RBMS2: variants seen among roughly 807,000 people sequenced by gnomAD.
The protein encoded by RBMS2 is RNA binding motif single stranded interacting protein 2, also known as RNA-binding motif, single-stranded-interacting protein 2.
A neutral mutation model predicts 58.4 loss-of-function variants in RBMS2; 38 were observed. That is an observed-to-expected ratio of 0.65 (90% CI 0.50 to 0.85). RBMS2 has a LOEUF of 0.85. RBMS2 is among the 40% of genes least tolerant of loss of function. The probability of loss-of-function intolerance (pLI) is 0.00; values close to 1 mark genes in which losing one functional copy is unlikely to be tolerated. For synonymous variants in RBMS2, 151 were observed against 180.7 expected, an observed-to-expected ratio of 0.84 and a Z score of 1.32; for missense variants, 367 against 503.7, an observed-to-expected ratio of 0.73 and a Z score of 2.60.
chr12:56,556,347 C>T (rs1037022791), intron 1 of RBMS2, among the ~76,000 whole-genome samples: 1 of 150,858 alleles, frequency 6.6e-6, no homozygotes, highest in Non-Finnish European at 1.5e-5. Context: ...GTAATCTCCT[C>T]TTATACTAAA....
intron 9 of RBMS2, among the ~76,000 whole-genome samples, chr12:56,583,545 T>C (rs977586197): frequency 6.6e-6 from 1 of 152,088 alleles, no homozygotes; most frequent in Non-Finnish European, 1.5e-5. Flanking sequence ...TCCCAGCTAC[T>C]TGGGAGGCTG....
chr12:56,527,439 C>G lies in RBMS2; in HGVS notation c.66+5350C>G, dbSNP rs988873269. Among the ~76,000 whole-genome samples, 7 of 152,144 alleles carry G rather than the reference C, an allele frequency of 4.6e-5. No homozygotes were observed. In the South Asian group the frequency reaches 1.2e-3, roughly 27 times the overall value. The stretch of plus-strand genomic sequence containing the variant: ...CCAGACTGGCCAACAGGATGAAACC[C>G]TGTCTCTACTAAATATACAAAAATT... On this transcript the variant is annotated intron_variant, in intron 1 of 13. Transcript: ENST00000262031.
chr12:56,592,439 T>A lies in RBMS2; in HGVS notation c.*3306T>A, dbSNP rs1290850784. Reference sequence around the variant, plus strand: ...GATGATACTCAGACCCTAAACTGATTGGACTTTTTGGAGGAGGGTGCCAGT... The same window carrying A: ...GATGATACTCAGACCCTAAACTGATAGGACTTTTTGGAGGAGGGTGCCAGT... On this transcript the variant is annotated 3_prime_UTR_variant, in exon 14 of 14. Transcript: ENST00000262031. 2 of 152,252 alleles carry A rather than the reference T, an allele frequency of 1.3e-5. No homozygotes were observed. The highest frequency in any genetic ancestry group is 1.9e-4 in the East Asian group (1 of 5,204). The allele number at this position is 152,252 out of a possible 1,614,324, so 9.4% of individuals were successfully genotyped here.
chr12:56,552,752 G>A (rs1282772864), intron 1 of RBMS2, among the ~76,000 whole-genome samples: 1 of 151,856 alleles, frequency 6.6e-6, no homozygotes, highest in Non-Finnish European at 1.5e-5. Context: ...TGAGGTGGGA[G>A]GCTTGCTTGA....
intron 1 of RBMS2, among the ~76,000 whole-genome samples, chr12:56,545,082 C>T (rs1045389931): frequency 5.9e-5 from 9 of 152,094 alleles, no homozygotes; most frequent in African/African-American, 2.2e-4. Context: ...CTTCCCCTCC[C>T]AGTCCCCAAA....
rs1188489750 is a variant in RBMS2 at position 56,592,955 on chromosome 12, T to TA, written c.*3823dup. 1 of 152,098 alleles carries TA rather than the reference T, an allele frequency of 6.6e-6. No individual in the cohort carries two copies. Among genetic ancestry groups the TA allele is most frequent in the African/African-American group, 2.4e-5 (1 of 41,366 alleles). 9.4% of individuals were successfully genotyped at this position (152,098 alleles called of 1,614,324 possible). A position where few individuals can be genotyped will look rare whatever the true frequency, so the allele number is the denominator to read the frequency against. On this transcript the variant is annotated 3_prime_UTR_variant, in exon 14 of 14. Coordinates refer to ENST00000262031, the MANE Select transcript of RBMS2 (RefSeq NM_002898.4). ...CCAAGTAGCTGGAAGTACAGGCACA[T>TA]ACTACCAAGCCCAGTTCGTTATTTT...
chr12:56,579,435 T>C (rs1288217445), intron 5 of RBMS2, among the ~76,000 whole-genome samples: 1 of 152,040 alleles, frequency 6.6e-6, no homozygotes, highest in Non-Finnish European at 1.5e-5. Context: ...TGGAGACCAT[T>C]CTGGCTAACA....
Position 56,582,116 on chromosome 12 carries a change from C to T in RBMS2, c.837C>T (p.Leu279=), listed in dbSNP as rs1884043423. ...ACAGGATGCTTGCTCAGTCTGCACT[C>T]TCCCCATACCTTTCCTCTCCTGTGT... ...TPNRMLAQSA[L]SPYLSSPVSS... The change falls in exon 9 of 14, where the codon CTC becomes CTT. Residue 279 remains leucine (L), a synonymous_variant. Coordinates refer to ENST00000262031, the MANE Select transcript of RBMS2 (RefSeq NM_002898.4). 1 of 1,612,718 alleles carries T rather than the reference C, an allele frequency of 6.2e-7. No homozygotes were observed. The highest frequency in any genetic ancestry group is 1.3e-5 in the African/African-American group (1 of 74,888).
intron 5 of RBMS2, chr12:56,572,791 T>A (rs1180663724): frequency 1.0e-6 from 1 of 985,196 alleles, no homozygotes; most frequent in Non-Finnish European, 1.2e-6. Context: ...CCTTTTCAGA[T>A]CTGTTGGGAG....
intron 1 of RBMS2, among the ~76,000 whole-genome samples, chr12:56,542,758 C>T (rs1876370447): frequency 6.6e-6 from 1 of 151,602 alleles, no homozygotes; most frequent in Non-Finnish European, 1.5e-5. Context: ...CTGTGTTGCC[C>T]AGGATGGTCT....
At chr12:56,539,592 C>T (rs1048881517) in intron 1 of RBMS2, 5 of 393,634 alleles carry the variant, frequency 1.3e-5, no homozygotes, top group African/African-American at 2.1e-5. Flanking sequence ...TTTTGTTTTC[C>T]CTGGAGTTAA....
intron 9 of RBMS2, among the ~76,000 whole-genome samples, chr12:56,584,260 CT>C (rs761740293): frequency 5.9e-5 from 9 of 151,796 alleles, no homozygotes; most frequent in Non-Finnish European, 1.0e-4. Flanking sequence ...GGCAAAACCC[CT>C]GTCCCTACAA....
intron 9 of RBMS2, among the ~76,000 whole-genome samples, chr12:56,585,881 C>CT (rs1175741354): frequency 1.3e-5 from 2 of 152,210 alleles, no homozygotes; most frequent in Non-Finnish European, 2.9e-5. Flanking sequence ...TTATTCTATC[C>CT]TTTTAATTGT....
Position 56,589,592 on chromosome 12 carries a change from G to A in RBMS2, c.*459G>A, listed in dbSNP as rs186836343. On this transcript the variant is annotated 3_prime_UTR_variant, in exon 14 of 14. Coordinates refer to ENST00000262031, the MANE Select transcript of RBMS2 (RefSeq NM_002898.4). The stretch of plus-strand genomic sequence containing the variant: ...CAGAAAGGTGTGGTGCTGGAACATC[G>A]ATGAAGGAGCCCTACTTACTGAGCT... The A allele has an allele frequency of 3.1e-4, 57 of 182,616 alleles. No homozygotes were observed. The highest frequency in any genetic ancestry group is 2.1e-3 in the East Asian group (13 of 6,196). The allele number at this position is 182,616 out of a possible 1,614,324, so 11.3% of individuals were successfully genotyped here.
At chr12:56,534,494 A>G (rs1442490256) in intron 1 of RBMS2, among the ~76,000 whole-genome samples, 1 of 152,192 alleles carries the variant, frequency 6.6e-6, no homozygotes, top group Non-Finnish European at 1.5e-5. Flanking sequence ...AAAATTTGTC[A>G]TAGATTTACA....
intron 11 of RBMS2, 80 bp from the exon 12 acceptor site, chr12:56,588,213 GT>G: frequency 2.7e-6 from 3 of 1,109,856 alleles, no homozygotes; most frequent in Admixed American, 1.8e-5. Flanking sequence ...ACAGGTGTCA[GT>G]ATTTTTTTTA....
At chr12:56,587,750 T>C (rs1884872062) in intron 11 of RBMS2, 86 bp downstream of exon 11, 1 of 1,452,402 alleles carries the variant, frequency 6.9e-7, no homozygotes, top group African/African-American at 1.4e-5. Flanking sequence ...AACTTATGAA[T>C]AATGATGGAA....
intron 12 of RBMS2, 59 bp from the exon 13 acceptor site, chr12:56,588,873 T>C (rs962932484): frequency 6.4e-6 from 10 of 1,550,676 alleles, no homozygotes; most frequent in Middle Eastern, 1.9e-4. Flanking sequence ...GTCAGGCTGC[T>C]GTAGTGGAGG....
At chr12:56,583,327 C>T (rs919668662) in intron 9 of RBMS2, among the ~76,000 whole-genome samples, 1 of 152,218 alleles carries the variant, frequency 6.6e-6, no homozygotes, top group African/African-American at 2.4e-5. Flanking sequence ...TACCCATTTC[C>T]TTCCAGGCAT....
Sources: gnomAD v4.1 joint callset for allele counts (sites outside exome capture counted in the v4.1 genomes callset) on GRCh38, gnomAD v4.1.1 for gene constraint, MANE v1.5 for transcripts, NCBI Gene and HGNC (gene_info 2026-07-23, HGNC 2026-07-21) for gene names.